The following FNBP1L variants were observed in gnomAD, a reference collection of about 807,000 sequenced individuals.
The protein encoded by FNBP1L is formin-binding protein 1-like.
In FNBP1L, 36 loss-of-function variants were observed where a neutral mutation model predicts 91.2. The ratio of observed to expected loss-of-function variants is 0.39; its 90% CI spans 0.30 to 0.52. The LOEUF is 0.52. Among genes scored for constraint, FNBP1L ranks in the 20% least tolerant of loss-of-function variants. The probability of loss-of-function intolerance (pLI) is 0.66; values close to 1 mark genes in which losing one functional copy is unlikely to be tolerated. For missense variants in FNBP1L, 571 were observed against 732.1 expected (o/e 0.78, Z 2.54); for synonymous variants, 242 against 237.0 (o/e 1.02, Z -0.19).
At chr1:93,516,015 A>T (rs777656787) in intron 2 of FNBP1L, among the ~76,000 whole-genome samples, 3 of 152,130 alleles carry the variant, frequency 2.0e-5, no homozygotes, top group Non-Finnish European at 4.4e-5. Context: ...ATTATATAAA[A>T]ATCATCAGTT....
chr1:93,548,253 T>C lies in FNBP1L; in HGVS notation c.1502+812T>C, dbSNP rs190582777. ...AAACTCAGATTAAAAGGATCTAATT[T>C]CTTTGGCATGTGTTATTTCTCTGGC... On this transcript the variant is annotated intron_variant, in intron 14 of 16. Coordinates refer to ENST00000271234, the MANE Select transcript of FNBP1L (RefSeq NM_001164473.3). Among the ~76,000 whole-genome samples the C allele has an allele frequency of 2.0e-5, 3 of 152,308 alleles. No homozygotes were observed. In the East Asian group the frequency reaches 5.8e-4, roughly 29 times the overall value.
rs1672130939 is a variant in FNBP1L at position 93,543,940 on chromosome 1, C to CATA, written c.1165-165_1165-163dup. On this transcript the variant is annotated intron_variant, in intron 11 of 16. Coordinates refer to ENST00000271234, the MANE Select transcript of FNBP1L (RefSeq NM_001164473.3). Reference sequence around the variant, plus strand: ...TACATTGTTTTCATTAACATATACGCATAAACACACACATCTGTGTAGATT... The same window carrying CATA: ...TACATTGTTTTCATTAACATATACGCATAATAAACACACACATCTGTGTAGATT... 7 of 425,822 alleles carry CATA rather than the reference C, an allele frequency of 1.6e-5. No individual in the cohort carries two copies. In the South Asian group the frequency reaches 2.8e-4, roughly 17 times the overall value. 26.4% of individuals were successfully genotyped at this position (425,822 alleles called of 1,614,324 possible).
At position 93,532,861 on chromosome 1, in the gene FNBP1L, A is replaced by G. The variant is rs1671728218; in HGVS notation, c.640-61A>G. The G allele has an allele frequency of 3.2e-6, 4 of 1,269,030 alleles. No homozygotes were observed. In the East Asian group the frequency reaches 1.0e-4, roughly 32 times the overall value. The allele number at this position is 1,269,030 out of a possible 1,614,324, so 78.6% of individuals were successfully genotyped here. A position where few individuals can be genotyped will look rare whatever the true frequency, so the allele number is the denominator to read the frequency against. The stretch of plus-strand genomic sequence containing the variant: ...TTTTTGATGGGGGATCACTAATTGA[A>G]CTCCTTTAGAATGATTGAAAAATTC... On this transcript the variant is annotated intron_variant, in intron 7 of 16. Transcript: ENST00000271234.
intron 1 of FNBP1L, among the ~76,000 whole-genome samples, chr1:93,457,922 G>A (rs1668723444): frequency 6.6e-6 from 1 of 151,662 alleles, no homozygotes; most frequent in South Asian, 2.1e-4. Flanking sequence ...CTCCCGAGTA[G>A]CTGGGACTAC....
Position 93,472,193 on chromosome 1 carries a change from C to G in FNBP1L, c.24+23888C>G, listed in dbSNP as rs141473314. ...TTTGAGAACCATTGGTTTATGTACT[C>G]TAAAATCTTTACTTAAGTCAGGGAA... is the stretch of plus-strand genomic sequence containing the variant. On this transcript the variant is annotated intron_variant, in intron 1 of 16. Transcript: ENST00000271234. 9.0e-3 allele frequency among the ~76,000 whole-genome samples: 1,372 copies of G among 152,294 alleles called. 4 individuals are homozygous for G. Among genetic ancestry groups the G allele is most frequent in the Non-Finnish European group, 0.013 (874 of 68,014 alleles).
chr1:93,552,316 A>G, intron 16 of FNBP1L, 93 bp from the exon 17 acceptor site: 1 of 1,504,026 alleles, frequency 6.6e-7, no homozygotes, highest in Non-Finnish European at 8.9e-7. Flanking sequence ...AATGATAGAG[A>G]CATTTGGGAC....
chr1:93,518,697 A>G (rs1038966122), intron 2 of FNBP1L, among the ~76,000 whole-genome samples: 1 of 152,256 alleles, frequency 6.6e-6, no homozygotes, highest in Non-Finnish European at 1.5e-5. Flanking sequence ...CTCCTCCTAT[A>G]GAAGCTTTAT....
chr1:93,469,776 G>T (rs956901538), intron 1 of FNBP1L, among the ~76,000 whole-genome samples: 1 of 152,050 alleles, frequency 6.6e-6, no homozygotes, highest in Admixed American at 6.6e-5. Flanking sequence ...TTTGAGATCA[G>T]CCTGGGCAAT....
chr1:93,493,199 G>A (rs1356157400), intron 1 of FNBP1L, among the ~76,000 whole-genome samples: 3 of 152,130 alleles, frequency 2.0e-5, no homozygotes, highest in African/African-American at 7.2e-5. Context: ...AGGAGGTCGA[G>A]TCTGCAGTGA....
intron 2 of FNBP1L, among the ~76,000 whole-genome samples, chr1:93,516,272 C>G (rs1034875915): frequency 3.9e-5 from 6 of 152,136 alleles, no homozygotes; most frequent in African/African-American, 1.4e-4. Flanking sequence ...AGAAAACATC[C>G]TGGAAGGGGG....
intron 8 of FNBP1L, among the ~76,000 whole-genome samples, chr1:93,533,425 G>A (rs1195951224): frequency 6.6e-6 from 1 of 152,164 alleles, no homozygotes; most frequent in African/African-American, 2.4e-5. Context: ...TAGCACTTGA[G>A]CTGGATCAAG....
At chr1:93,509,150 G>A (rs919929089) in intron 2 of FNBP1L, among the ~76,000 whole-genome samples, 1 of 152,168 alleles carries the variant, frequency 6.6e-6, no homozygotes, top group Non-Finnish European at 1.5e-5. Flanking sequence ...GATATGTTAG[G>A]CTATACTAGA....
intron 5 of FNBP1L, among the ~76,000 whole-genome samples, chr1:93,526,152 C>T (rs1671485704): frequency 6.6e-6 from 1 of 152,018 alleles, no homozygotes; most frequent in Non-Finnish European, 1.5e-5. Flanking sequence ...ACAGAAGAGC[C>T]TGTAAAGGAG....
chr1:93,537,324 T>C (rs1462473076), intron 10 of FNBP1L, among the ~76,000 whole-genome samples: 1 of 152,092 alleles, frequency 6.6e-6, no homozygotes, highest in Non-Finnish European at 1.5e-5. Context: ...AGCCTAACAA[T>C]AATAATCTAA....
intron 1 of FNBP1L, among the ~76,000 whole-genome samples, chr1:93,457,801 A>AG (rs1668718827): frequency 2.8e-5 from 4 of 141,144 alleles, no homozygotes; most frequent in Non-Finnish European, 6.0e-5. Context: ...ATTATTATTA[A>AG]TTTTTTTTGA....
intron 5 of FNBP1L, among the ~76,000 whole-genome samples, chr1:93,525,040 T>G (rs2101752614): frequency 6.6e-6 from 1 of 150,746 alleles, no homozygotes; most frequent in East Asian, 2.0e-4. Flanking sequence ...CATAAAATGC[T>G]CTATAATCTG....
chr1:93,506,211 A>AG (rs200508810), intron 2 of FNBP1L, among the ~76,000 whole-genome samples: 2,859 of 152,342 alleles, frequency 0.019, 37 homozygotes, highest in Non-Finnish European at 0.024. Context: ...GAAAAAAATA[A>AG]GGACAGTATC....
intron 1 of FNBP1L, among the ~76,000 whole-genome samples, chr1:93,474,008 G>T (rs1243494727): frequency 6.6e-6 from 1 of 152,158 alleles, no homozygotes; most frequent in Non-Finnish European, 1.5e-5. Context: ...ACTTTGGGAG[G>T]CCGAGGCTGG....
intron 2 of FNBP1L, among the ~76,000 whole-genome samples, chr1:93,507,941 C>T (rs972961349): frequency 2.0e-5 from 3 of 151,184 alleles, no homozygotes; most frequent in African/African-American, 7.3e-5. Flanking sequence ...GAGCCACCAC[C>T]CCTGGCCTAG....
Sources: allele counts gnomAD v4.1 joint callset (sites outside exome capture counted in the v4.1 genomes callset), GRCh38; gene constraint gnomAD v4.1.1; transcripts MANE v1.5; gene names NCBI Gene and HGNC (gene_info 2026-07-23, HGNC 2026-07-21).